HDHD5: variants seen among roughly 807,000 people sequenced by gnomAD.
The protein encoded by HDHD5 is haloacid dehalogenase-like hydrolase domain-containing 5.
In HDHD5, 34 loss-of-function variants were observed where a neutral mutation model predicts 35.5. That is an observed-to-expected ratio of 0.96 (90% CI 0.73 to 1.28). The LOEUF (loss-of-function observed/expected upper bound fraction) is 1.28, where lower values mean the gene tolerates loss of function less well. HDHD5 is among the 50% of genes most tolerant of loss of function. The pLI is 0.00. For synonymous variants in HDHD5, 248 were observed against 240.6 expected (o/e 1.03, Z -0.29); for missense variants, 589 against 560.2 (o/e 1.05, Z -0.52).
At chr22:17,160,656 A>C (rs1601408879), upstream of HDHD5, among the ~76,000 whole-genome samples, 1 of 149,758 alleles carries the variant, frequency 6.7e-6, no homozygotes, top group East Asian at 1.9e-4. Context: ...CTTGAAAAAA[A>C]AAAAAATAAT....
At position 17,141,210 on chromosome 22, in the gene HDHD5, C is replaced by A; in HGVS notation, c.595G>T (p.Val199Phe). ...AGCTGCAGGCTGGTCTCCCAGCGGA[C>A]CGGCTCCCCTAGGAGGAGCACCCCT... ...IEGVLLLGEP[V>F]RWETSLQLIM... The change falls in exon 6 of 8, where the codon GTC becomes TTC. Residue 199 changes from valine to phenylalanine, a missense_variant. Coordinates refer to ENST00000336737, the MANE Select transcript of HDHD5 (RefSeq NM_033070.3). 1 of 1,596,994 alleles carries A rather than the reference C, an allele frequency of 6.3e-7. No homozygotes were observed.
intron 3 of HDHD5, among the ~76,000 whole-genome samples, chr22:17,146,126 G>A (rs570346774): frequency 3.3e-4 from 50 of 152,094 alleles, no homozygotes; most frequent in Non-Finnish European, 3.7e-4. Flanking sequence ...CAAGGTTCCC[G>A]ACAACCTGGC....
At chr22:17,161,564 C>CA (rs879664806), upstream of HDHD5, among the ~76,000 whole-genome samples, 388 of 115,518 alleles carry the variant, frequency 3.4e-3, 1 homozygote, top group Admixed American at 3.0e-3. Flanking sequence ...ACTATGTCTC[C>CA]AAAAAAAAAA....
In HDHD5 at chr22:17,159,223, A is replaced by G; in HGVS notation, c.29T>C (p.Leu10Pro). MAAWGCVAA[L>P]GAARGLCWRA... ...CCAGCAAAGCCCACGCGCCGCGCCG[A>G]GCGCAGCCACACAGCCCCACGCAGC... is the stretch of plus-strand genomic sequence containing the variant. The change falls in exon 1 of 8, where the codon CTC becomes CCC. Residue 10 changes from leucine to proline, a missense_variant. Leu to Pro is a moderately conservative substitution (Grantham distance 98). Coordinates refer to ENST00000336737, the MANE Select transcript of HDHD5 (RefSeq NM_033070.3). The G allele has an allele frequency of 8.7e-7, 1 of 1,142,904 alleles. No homozygotes were observed. The highest frequency in any genetic ancestry group is 1.1e-6 in the Non-Finnish European group (1 of 935,728). The allele number at this position is 1,142,904 out of a possible 1,614,324, so 70.8% of individuals were successfully genotyped here. A position where few individuals can be genotyped will look rare whatever the true frequency, so the allele number is the denominator to read the frequency against.
chr22:17,141,449 C>T (rs747167838), intron 5 of HDHD5: 3 of 1,355,834 alleles, frequency 2.2e-6, no homozygotes, highest in Non-Finnish European at 2.8e-6. Context: ...CTGAGGGCTC[C>T]CATTCTGACT....
chr22:17,144,615 T>C (rs565376828), intron 4 of HDHD5, among the ~76,000 whole-genome samples: 3 of 152,272 alleles, frequency 2.0e-5, no homozygotes, highest in East Asian at 3.9e-4. Context: ...GGTTTCACCA[T>C]GTTGGCCAGG....
rs533345518 is a variant in HDHD5, at chr22:17,148,476, G to A, written c.415C>T (p.Gln139Ter). The A allele has an allele frequency of 6.2e-7, 1 of 1,614,160 alleles. No homozygotes were observed. Among genetic ancestry groups the A allele is most frequent in the African/African-American group, 1.3e-5 (1 of 75,050 alleles). The change falls in exon 3 of 8, where the codon CAG becomes TAG. Residue 139 changes from glutamine (Q) to a stop codon, truncating the protein, a stop_gained. Coordinates refer to ENST00000336737, the MANE Select transcript of HDHD5 (RefSeq NM_033070.3). LOFTEE classifies it high-confidence loss of function. ...YHEKRMLVSG[Q>*]GPVMENAQGL... ...TGGGCATTTTCCATCACGGGCCCCT[G>A]TCCAGACACCAGCATCCGCTTCTCA...
Position 17,138,351 on chromosome 22 carries a change from G to GT in HDHD5, c.941dup (p.Asn314LysfsTer5). On this transcript the variant is annotated frameshift_variant, in exon 8 of 8. Coordinates refer to ENST00000336737, the MANE Select transcript of HDHD5 (RefSeq NM_033070.3). LOFTEE classifies it low-confidence loss of function (END_TRUNC). ...TGGCGCCGTATACGTCAGACATAGG[G>GT]TTATCACTGGCAGGGGCAGCCACAC... 7 of 1,606,244 alleles carry GT rather than the reference G, an allele frequency of 4.4e-6. No individual in the cohort carries two copies. The highest frequency in any genetic ancestry group is 6.0e-6 in the Non-Finnish European group (7 of 1,175,954).
At chr22:17,139,690 C>T (rs542398136) in intron 6 of HDHD5, among the ~76,000 whole-genome samples, 24 of 152,116 alleles carry the variant, frequency 1.6e-4, no homozygotes, top group Non-Finnish European at 2.6e-4. Context: ...TCTCCTGCCT[C>T]AGCCTCCGAG....
chr22:17,140,947 G>A (rs895003494), intron 6 of HDHD5, 112 bp downstream of exon 6: 4 of 976,710 alleles, frequency 4.1e-6, no homozygotes, highest in Non-Finnish European at 1.5e-6. Flanking sequence ...GCCTACCTAA[G>A]TGAGGTCCCG....
intron 1 of HDHD5, among the ~76,000 whole-genome samples, chr22:17,154,542 G>A (rs1347096243): frequency 6.6e-6 from 1 of 151,286 alleles, no homozygotes; most frequent in African/African-American, 2.4e-5. Flanking sequence ...TAGATTTTAA[G>A]TGATATTAAG....
chr22:17,142,995 T>C (rs1601381814), intron 5 of HDHD5, 103 bp downstream of exon 5: 1 of 1,215,546 alleles, frequency 8.2e-7, no homozygotes, highest in Non-Finnish European at 1.2e-6. Flanking sequence ...CCAAGGCCCC[T>C]TGCTGCTGAA....
chr22:17,160,660 A>AT (rs1568955898), upstream of HDHD5, among the ~76,000 whole-genome samples: 82 of 149,162 alleles, frequency 5.5e-4, no homozygotes, highest in African/African-American at 1.7e-3. Flanking sequence ...AAAAAAAAAA[A>AT]AATAATAATA....
intron 1 of HDHD5, among the ~76,000 whole-genome samples, chr22:17,165,014 CTCTT>C (rs2061883306): frequency 6.6e-6 from 1 of 152,194 alleles, no homozygotes. Context: ...CTGTCTCTCT[CTCTT>C]TCTATCTCTC....
intron 1 of HDHD5, among the ~76,000 whole-genome samples, chr22:17,151,314 C>CA (rs1418696299): frequency 4.8e-5 from 7 of 146,506 alleles, no homozygotes; most frequent in African/African-American, 1.8e-4. Context: ...CTTCAATCAT[C>CA]AAAAAAACCT....
chr22:17,164,648 C>T (rs1291736341), intron 1 of HDHD5, among the ~76,000 whole-genome samples: 1 of 152,210 alleles, frequency 6.6e-6, no homozygotes, highest in African/African-American at 2.4e-5. Flanking sequence ...CCTACAGGTG[C>T]ACTTCCAAGG....
At chr22:17,151,166 T>C (rs1291438388) in intron 1 of HDHD5, among the ~76,000 whole-genome samples, 1 of 152,256 alleles carries the variant, frequency 6.6e-6, no homozygotes, top group East Asian at 1.9e-4. Context: ...CTGTTAATTA[T>C]CAAACTTTTT....
At chr22:17,139,591 C>T (rs933423861) in intron 6 of HDHD5, among the ~76,000 whole-genome samples, 5 of 152,056 alleles carry the variant, frequency 3.3e-5, no homozygotes, top group African/African-American at 1.2e-4. Context: ...TCCCCAACTC[C>T]TTCTTGACAC....
At chr22:17,138,397 A>G in intron 7 of HDHD5, 40 bp from the exon 8 acceptor site, 1 of 1,586,484 alleles carries the variant, frequency 6.3e-7, no homozygotes, top group African/African-American at 1.4e-5. Flanking sequence ...AAAAGGAGAA[A>G]AAACCCTAAA....
Sources: gnomAD v4.1 joint callset for allele counts (sites outside exome capture counted in the v4.1 genomes callset) on GRCh38, gnomAD v4.1.1 for gene constraint, MANE v1.5 for transcripts, NCBI Gene and HGNC (gene_info 2026-07-23, HGNC 2026-07-21) for gene names.